XKR5: variants seen among roughly 807,000 people sequenced by gnomAD.
The protein encoded by XKR5 is XK-related protein 5.
In XKR5, 46 loss-of-function variants were observed where a neutral mutation model predicts 40.8. The observed-to-expected ratio is 1.13, with a 90% confidence interval of 0.89 to 1.44. XKR5 has a LOEUF of 1.44. Among genes scored for constraint, XKR5 ranks in the 40% most tolerant of loss-of-function variants. The pLI is 0.00. For synonymous variants in XKR5, 466 were observed against 356.1 expected, an observed-to-expected ratio of 1.31 and a Z score of -3.48; for missense variants, 1,169 against 844.7, an observed-to-expected ratio of 1.38 and a Z score of -4.76.
chr8:6,811,003 G>T lies in XKR5; in HGVS notation c.*195C>A, dbSNP rs1803651882. The T allele has an allele frequency of 1.7e-6, 1 of 585,258 alleles. No homozygotes were observed. Among genetic ancestry groups the T allele is most frequent in the East Asian group, 2.9e-5 (1 of 34,802 alleles). 36.3% of individuals were successfully genotyped at this position (585,258 alleles called of 1,614,324 possible). A position where few individuals can be genotyped will look rare whatever the true frequency, so the allele number is the denominator to read the frequency against. On this transcript the variant is annotated 3_prime_UTR_variant, in exon 7 of 7. Coordinates refer to ENST00000618742, the MANE Select transcript of XKR5 (RefSeq NM_207411.5). ...TAGAGTCTCTCCTATGCATGGGTGG[G>T]GTCTGTGATGTTTGCATTGGACCTG...
At chr8:6,821,709 G>C (rs971987933) in intron 5 of XKR5, among the ~76,000 whole-genome samples, 160 bp downstream of exon 5, 10 of 152,102 alleles carry the variant, frequency 6.6e-5, no homozygotes, top group Non-Finnish European at 1.5e-4. Context: ...CTCTGTTCAA[G>C]ACTATCATTT....
At chr8:6,835,322 TG>T in intron 1 of XKR5, 113 bp downstream of exon 1, 2 of 1,126,002 alleles carry the variant, frequency 1.8e-6, no homozygotes, top group Non-Finnish European at 2.3e-6. Context: ...CGCGCAGTGC[TG>T]GGCGCAGGCT....
In XKR5 at chr8:6,809,733, T is replaced by A. The variant is rs1803595651; in HGVS notation, c.*1465A>T. 1 of 152,216 alleles carries A rather than the reference T, an allele frequency of 6.6e-6. No individual in the cohort carries two copies. The highest frequency in any genetic ancestry group is 1.5e-5 in the Non-Finnish European group (1 of 68,064). The allele number at this position is 152,216 out of a possible 1,614,324, so 9.4% of individuals were successfully genotyped here. A position where few individuals can be genotyped will look rare whatever the true frequency, so the allele number is the denominator to read the frequency against. ...TGTCTGCAGGTGCCCTTAGTATGTG[T>A]CAGGCTGAGCTAAGTTATTCTACTA... On this transcript the variant is annotated 3_prime_UTR_variant, in exon 7 of 7. Transcript: ENST00000618742.
chr8:6,827,429 G>C (rs1243928895), intron 2 of XKR5, among the ~76,000 whole-genome samples: 2 of 152,156 alleles, frequency 1.3e-5, no homozygotes, highest in African/African-American at 2.4e-5. Flanking sequence ...GACCCTGATG[G>C]GTGGCAAACA....
intron 6 of XKR5, among the ~76,000 whole-genome samples, chr8:6,813,213 C>T (rs1024461667): frequency 3.9e-5 from 6 of 152,214 alleles, no homozygotes; most frequent in Non-Finnish European, 2.9e-5. Context: ...GGTTAGTGGC[C>T]AGGCTCCAAC....
chr8:6,820,085 G>T (rs1199762418), intron 5 of XKR5, among the ~76,000 whole-genome samples: 1 of 152,240 alleles, frequency 6.6e-6, no homozygotes, highest in Admixed American at 6.5e-5. Context: ...GGGGCAGGGG[G>T]AGCCCCGGTG....
At chr8:6,820,872 C>T (rs1282366452) in intron 5 of XKR5, among the ~76,000 whole-genome samples, 2 of 152,204 alleles carry the variant, frequency 1.3e-5, no homozygotes, top group Non-Finnish European at 2.9e-5. Context: ...CCTTTACCTT[C>T]ACCCAGGTCT....
At chr8:6,825,106 A>G in intron 3 of XKR5, 59 bp downstream of exon 3, 1 of 1,593,888 alleles carries the variant, frequency 6.3e-7, no homozygotes, top group Non-Finnish European at 8.6e-7. Context: ...AAACAGGCTC[A>G]CATTCCTGTC....
chr8:6,832,554 CG>C (rs58978396), intron 2 of XKR5, among the ~76,000 whole-genome samples, 162 bp downstream of exon 2: 3,603 of 152,284 alleles, frequency 0.024, 144 homozygotes, highest in African/African-American at 0.082. Context: ...AGGCTGGACC[CG>C]GGCATGCCAA....
chr8:6,835,365 G>C, intron 1 of XKR5, 71 bp downstream of exon 1: 1 of 1,342,474 alleles, frequency 7.4e-7, no homozygotes, highest in South Asian at 1.7e-5. Flanking sequence ...TAGGCAGCCT[G>C]TGCGGCTCCC....
chr8:6,809,504 G>T lies in XKR5; in HGVS notation c.*1694C>A. On this transcript the variant is annotated 3_prime_UTR_variant, in exon 7 of 7. Coordinates refer to ENST00000618742, the MANE Select transcript of XKR5 (RefSeq NM_207411.5). ...GGGTCTCACTACATTGCCCAGGCTGGTCTCGAACTTCTGGCCTCAAGTGAT... is the reference window on the plus strand; with the variant it reads ...GGGTCTCACTACATTGCCCAGGCTGTTCTCGAACTTCTGGCCTCAAGTGAT... 1 of 152,166 alleles carries T rather than the reference G, an allele frequency of 6.6e-6. No individual in the cohort carries two copies. Among genetic ancestry groups the T allele is most frequent in the Non-Finnish European group, 1.5e-5 (1 of 68,032 alleles). The allele number at this position is 152,166 out of a possible 1,614,324, so 9.4% of individuals were successfully genotyped here. A position where few individuals can be genotyped will look rare whatever the true frequency, so the allele number is the denominator to read the frequency against.
Position 6,823,447 on chromosome 8 carries a change from T to G in XKR5, c.637+74A>C, listed in dbSNP as rs997374643. The G allele has an allele frequency of 1.0e-5, 15 of 1,466,070 alleles. No individual in the cohort carries two copies. The African/African-American group carries it at 2.0e-4, about 19-fold the overall frequency. The allele number at this position is 1,466,070 out of a possible 1,614,324, so 90.8% of individuals were successfully genotyped here. ...GCCTGGGATTGAGGATCATATGTGG[T>G]TATTCTTGAGACCTTCATTTCTGGG... On this transcript the variant is annotated intron_variant, in intron 4 of 6. Transcript: ENST00000618742.
chr8:6,813,799 G>A (rs1256100289), intron 6 of XKR5, among the ~76,000 whole-genome samples: 1 of 152,230 alleles, frequency 6.6e-6, no homozygotes, highest in African/African-American at 2.4e-5. Flanking sequence ...CATACTGGCT[G>A]TGAAAATGTC....
At chr8:6,826,762 G>T (rs551592274) in intron 2 of XKR5, among the ~76,000 whole-genome samples, 5 of 152,266 alleles carry the variant, frequency 3.3e-5, no homozygotes, top group African/African-American at 1.2e-4. Context: ...CAGCACCCTG[G>T]GGACTGTTCC....
intron 5 of XKR5, among the ~76,000 whole-genome samples, chr8:6,819,959 A>G (rs1804159938): frequency 6.8e-6 from 1 of 148,122 alleles, no homozygotes; most frequent in African/African-American, 2.5e-5. Context: ...TTATTTATTT[A>G]TCTTTCAGAG....
chr8:6,821,802 C>G (rs1327053086), intron 5 of XKR5, 67 bp downstream of exon 5: 9 of 1,449,070 alleles, frequency 6.2e-6, no homozygotes, highest in African/African-American at 2.8e-5. Flanking sequence ...ACCCCCCACA[C>G]ACACCCACAC....
chr8:6,835,036 C>T (rs1014642884), intron 1 of XKR5, among the ~76,000 whole-genome samples: 1 of 152,152 alleles, frequency 6.6e-6, no homozygotes, highest in Non-Finnish European at 1.5e-5. Flanking sequence ...CCCAGACTTG[C>T]GCTCAGCACA....
At chr8:6,828,292 A>G (rs1165046914) in intron 2 of XKR5, among the ~76,000 whole-genome samples, 8 of 152,220 alleles carry the variant, frequency 5.3e-5, no homozygotes, top group Non-Finnish European at 5.9e-5. Context: ...CTGGACAGGT[A>G]GATGGTAGGA....
intron 1 of XKR5, among the ~76,000 whole-genome samples, chr8:6,833,733 G>C (rs988072591): frequency 1.3e-5 from 2 of 149,396 alleles, no homozygotes; most frequent in African/African-American, 5.1e-5. Flanking sequence ...AAACAAAACA[G>C]TAACCAACCA....
Sources: gnomAD v4.1 joint callset for allele counts (sites outside exome capture counted in the v4.1 genomes callset) on GRCh38, gnomAD v4.1.1 for gene constraint, MANE v1.5 for transcripts, NCBI Gene and HGNC (gene_info 2026-07-23, HGNC 2026-07-21) for gene names.